The following SLC7A6 variants were observed in gnomAD, a reference collection of about 807,000 sequenced individuals.
SLC7A6 encodes Y+L amino acid transporter 2.
Under a neutral mutation model 46.6 loss-of-function variants are expected in SLC7A6, and 29 were observed. The observed-to-expected ratio is 0.62, with a 90% CI of 0.46 to 0.85. SLC7A6 has a LOEUF of 0.85. Among genes scored for constraint, SLC7A6 ranks in the 40% least tolerant of loss-of-function variants. The pLI is 0.00. For missense variants in SLC7A6, 527 were observed against 647.6 expected (o/e 0.81, Z 2.02); for synonymous variants, 276 against 257.3 (o/e 1.07, Z -0.70).
rs774372542 is a variant in SLC7A6, at chr16:68,274,979, G to A, written c.253G>A (p.Ala85Thr). Residue 85 changes from alanine (A) to threonine (T), a missense_variant, in exon 3 of 11, where the codon GCC (alanine) becomes ACC (threonine). Coordinates refer to ENST00000219343, the MANE Select transcript of SLC7A6 (RefSeq NM_003983.6). The part of the protein sequence containing the change: ...ASYGMSLIVW[A>T]IGGLFSVVGA... Reference sequence around the variant, plus strand: ...CTATGGGATGTCACTGATTGTGTGGGCCATTGGTGGGCTCTTCTCTGTTGT... The same window carrying A: ...CTATGGGATGTCACTGATTGTGTGGACCATTGGTGGGCTCTTCTCTGTTGT... The A allele has an allele frequency of 6.2e-7, 1 of 1,614,202 alleles. No individual in the cohort carries two copies. The highest frequency in any genetic ancestry group is 8.5e-7 in the Non-Finnish European group (1 of 1,180,046).
chr16:68,290,322 C>G, intron 4 of SLC7A6, 74 bp from the exon 5 acceptor site: 2 of 1,494,192 alleles, frequency 1.3e-6, no homozygotes, highest in Non-Finnish European at 1.8e-6. Context: ...TCTCTTACAC[C>G]TCCCATCTCC....
At position 68,301,607 on chromosome 16, in the gene SLC7A6, G is replaced by GGAGT. The variant is rs1366122940; in HGVS notation, c.*4280_*4283dup. The GGAGT allele has an allele frequency of 7.2e-5, 30 of 417,466 alleles. No individual in the cohort carries two copies. The highest frequency in any genetic ancestry group is 5.1e-4 in the African/African-American group (25 of 48,596). The allele number at this position is 417,466 out of a possible 1,614,324, so 25.9% of individuals were successfully genotyped here. Reference sequence around the variant, plus strand: ...CATCTAAACCAAGTTCCTTCACACTGGAGTATTTTGTCACTTCTCCCCTCC... The same window carrying GGAGT: ...CATCTAAACCAAGTTCCTTCACACTGGAGTGAGTATTTTGTCACTTCTCCCCTCC... On this transcript the variant is annotated 3_prime_UTR_variant, in exon 11 of 11. Coordinates refer to ENST00000219343, the MANE Select transcript of SLC7A6 (RefSeq NM_003983.6).
rs754259458 is a variant in SLC7A6, at chr16:68,287,813, C to T, written c.591C>T (p.Tyr197=). The change falls in exon 4 of 11, where the codon TAC becomes TAT. Residue 197 remains tyrosine, a synonymous_variant. Transcript: ENST00000219343. ...CACGTGTGCAGGACACGTTCACTTA[C>T]GCCAAGGTCGTAGCGCTCATTGCCA... ...WGTRVQDTFT[Y]AKVVALIAII... is the part of the protein sequence containing the mutation. 1.3e-5 allele frequency: 21 copies of T among 1,614,082 alleles called. No homozygotes were observed. The highest frequency in any genetic ancestry group is 1.0e-4 in the Admixed American group (6 of 60,002).
chr16:68,274,687 C>T lies in SLC7A6; in HGVS notation c.-36-4C>T. ...TAGACTGACATACTTGTATTCTTTG[C>T]CAGGCCACAGCAAACACAGGTGTGC... On this transcript the variant is annotated splice_polypyrimidine_tract_variant and splice_region_variant and intron_variant, in intron 2 of 10. Transcript: ENST00000219343. 6.2e-7 allele frequency: 1 copy of T among 1,607,746 alleles called. No homozygotes were observed. Among genetic ancestry groups the T allele is most frequent in the Non-Finnish European group, 8.5e-7 (1 of 1,175,618 alleles).
rs1567591245 is a variant in SLC7A6 at position 68,287,862 on chromosome 16, C to A, written c.640C>A (p.Leu214Met). 1 of 1,614,046 alleles carries A rather than the reference C, an allele frequency of 6.2e-7. No homozygotes were observed. The highest frequency in any genetic ancestry group is 2.2e-5 in the East Asian group (1 of 44,888). The change falls in exon 4 of 11, where the codon CTG becomes ATG. Residue 214 changes from leucine to methionine, a missense_variant. By Grantham distance (15) the Leu-to-Met change is conservative. Transcript: ENST00000219343. Reference sequence around the variant, plus strand: ...CATCATTGTCATGGGCCTTGTTAAACTGTGCCAGGGTAAGTGGTGGGAAGG... The same window carrying A: ...CATCATTGTCATGGGCCTTGTTAAAATGTGCCAGGGTAAGTGGTGGGAAGG... Reference protein sequence around the residue: ...IAIIVMGLVKLCQGHSEHFQD... With the variant: ...IAIIVMGLVKMCQGHSEHFQD...
Position 68,301,134 on chromosome 16 carries a change from T to C in SLC7A6, c.*3806T>C. ...AACATAAGTTTTCACTGTGGTGGGA[T>C]GGTGCCGCCCGATATGCTTGATATG... is the stretch of plus-strand genomic sequence containing the variant. On this transcript the variant is annotated 3_prime_UTR_variant, in exon 11 of 11. Transcript: ENST00000219343. The C allele has an allele frequency of 1.4e-6, 2 of 1,424,898 alleles. No individual in the cohort carries two copies. Among genetic ancestry groups the C allele is most frequent in the East Asian group, 2.5e-5 (1 of 39,888 alleles). 88.3% of individuals were successfully genotyped at this position (1,424,898 alleles called of 1,614,324 possible). A position where few individuals can be genotyped will look rare whatever the true frequency, so the allele number is the denominator to read the frequency against.
At position 68,291,375 on chromosome 16, in the gene SLC7A6, C is replaced by T. The variant is rs750042574; in HGVS notation, c.918+43C>T. ...CCCATTTGTTCATCATCTCCTGATA[C>T]TGAGCCACCCTGCACAGCTCAGTCT... On this transcript the variant is annotated intron_variant, in intron 6 of 10. Coordinates refer to ENST00000219343, the MANE Select transcript of SLC7A6 (RefSeq NM_003983.6). The T allele has an allele frequency of 3.7e-6, 6 of 1,610,158 alleles. No homozygotes were observed. The African/African-American group carries it at 8.0e-5, about 22-fold the overall frequency.
chr16:68,301,475 C>A lies in SLC7A6; in HGVS notation c.*4147C>A. ...GGCTACTGCAGGAGCCCCTTCTCTTCTCAGAAAGGTCTGTTTTTGTTCCCG... is the reference window on the plus strand; with the variant it reads ...GGCTACTGCAGGAGCCCCTTCTCTTATCAGAAAGGTCTGTTTTTGTTCCCG... On this transcript the variant is annotated 3_prime_UTR_variant, in exon 11 of 11. Coordinates refer to ENST00000219343, the MANE Select transcript of SLC7A6 (RefSeq NM_003983.6). 7.1e-7 allele frequency: 1 copy of A among 1,414,002 alleles called. No homozygotes were observed. The highest frequency in any genetic ancestry group is 9.7e-7 in the Non-Finnish European group (1 of 1,026,434). The allele number at this position is 1,414,002 out of a possible 1,614,324, so 87.6% of individuals were successfully genotyped here.
At chr16:68,281,509 G>A (rs1018609921) in intron 3 of SLC7A6, among the ~76,000 whole-genome samples, 6 of 152,198 alleles carry the variant, frequency 3.9e-5, no homozygotes, top group Non-Finnish European at 5.9e-5. Context: ...TCTTAAGGGT[G>A]CACTCTGTTC....
rs2043026393 is a variant in SLC7A6 at position 68,290,468 on chromosome 16, A to T, written c.722A>T (p.Tyr241Phe). ...ATGGGAAACCTCTCTCTTGCCCTCT[A>T]CTCTGCCCTCTTCTCTTACTCAGGT... ...WDMGNLSLAL[Y>F]SALFSYSGWD... The change falls in exon 5 of 11, where the codon TAC (tyrosine) becomes TTC (phenylalanine). Residue 241 changes from tyrosine to phenylalanine, a missense_variant. By Grantham distance (22) the Tyr-to-Phe change is conservative. Coordinates refer to ENST00000219343, the MANE Select transcript of SLC7A6 (RefSeq NM_003983.6). 6.2e-7 allele frequency: 1 copy of T among 1,613,652 alleles called. No individual in the cohort carries two copies. Among genetic ancestry groups the T allele is most frequent in the African/African-American group, 1.3e-5 (1 of 74,828 alleles).
chr16:68,287,086 T>A (rs189550207), intron 3 of SLC7A6, among the ~76,000 whole-genome samples: 63 of 148,518 alleles, frequency 4.2e-4, no homozygotes, highest in East Asian at 1.0e-3. Context: ...CAAGCGACCC[T>A]CCCTCCTCAG....
intron 3 of SLC7A6, chr16:68,284,810 CCTT>C (rs1226853449): frequency 1.2e-5 from 2 of 164,900 alleles, no homozygotes; most frequent in South Asian, 2.0e-4. Context: ...GTCTCTGCCT[CCTT>C]GTCTCTTATC....
Position 68,264,898 on chromosome 16 carries a change from G to T in SLC7A6, c.-166+322G>T, listed in dbSNP as rs1239495529. On this transcript the variant is annotated intron_variant, in intron 1 of 10. Transcript: ENST00000219343. The surrounding 1 kb of genome is among the most constrained non-coding windows in gnomAD (Gnocchi z 5.8). Reference sequence around the variant, plus strand: ...CGCGGCGAGTGTGAGGGAGACCGGGGGTGTGTGTGGAGAGGGAAACCCCAG... The same window carrying T: ...CGCGGCGAGTGTGAGGGAGACCGGGTGTGTGTGTGGAGAGGGAAACCCCAG... Among the ~76,000 whole-genome samples the T allele has an allele frequency of 2.0e-5, 3 of 152,130 alleles. No individual in the cohort carries two copies. The highest frequency in any genetic ancestry group is 6.5e-5 in the Admixed American group (1 of 15,280).
intron 4 of SLC7A6, 27 bp from the exon 5 acceptor site, chr16:68,290,369 A>G: frequency 6.2e-7 from 1 of 1,609,476 alleles, no homozygotes; most frequent in Non-Finnish European, 8.5e-7. Context: ...TTCTCTCTGA[A>G]CCCCTCACCT....
Position 68,291,337 on chromosome 16 carries a change from G to C in SLC7A6, c.918+5G>C, listed in dbSNP as rs774191917. On this transcript the variant is annotated splice_donor_5th_base_variant and intron_variant, in intron 6 of 10. Coordinates refer to ENST00000219343, the MANE Select transcript of SLC7A6 (RefSeq NM_003983.6). ...AGCAGTGATGCTGTGGCTGTGGTGA[G>C]TCTCTTGGGATCCCCATTTGTTCAT... The C allele has an allele frequency of 6.2e-7, 1 of 1,613,868 alleles. No individual in the cohort carries two copies. Among genetic ancestry groups the C allele is most frequent in the South Asian group, 1.1e-5 (1 of 91,056 alleles).
At chr16:68,267,823 C>G (rs946596417) in intron 2 of SLC7A6, among the ~76,000 whole-genome samples, 7 of 152,202 alleles carry the variant, frequency 4.6e-5, no homozygotes, top group Admixed American at 3.3e-4. Context: ...CCCCAACCTC[C>G]GGGGAGGGGA....
At chr16:68,283,595 C>G (rs55974400) in intron 3 of SLC7A6, among the ~76,000 whole-genome samples, 1 of 151,768 alleles carries the variant, frequency 6.6e-6, no homozygotes, top group Non-Finnish European at 1.5e-5. Flanking sequence ...AAGGGAAGAA[C>G]AGATAGAGGA....
chr16:68,279,664 A>AGACTTGGGCCCC (rs2042794396), intron 3 of SLC7A6, among the ~76,000 whole-genome samples: 1 of 152,096 alleles, frequency 6.6e-6, no homozygotes, highest in Admixed American at 6.5e-5. Flanking sequence ...TCAGCCTCCC[A>AGACTTGGGCCCC]AGTAGCTGGG....
At chr16:68,292,652 C>G (rs557824189) in intron 7 of SLC7A6, 1 of 152,208 alleles carries the variant, frequency 6.6e-6, no homozygotes, top group Non-Finnish European at 1.5e-5. Flanking sequence ...CATGCGCCAC[C>G]ATACCTGGCC....
Sources: gnomAD v4.1 joint callset for allele counts (sites outside exome capture counted in the v4.1 genomes callset) on GRCh38, gnomAD v4.1.1 for gene constraint, Gnocchi (gnomAD v3.1) non-coding constraint, MANE v1.5 for transcripts, NCBI Gene and HGNC (gene_info 2026-07-23, HGNC 2026-07-21) for gene names.